Variants in MYH15 observed in about 807,000 individuals in gnomAD.
MYH15 encodes myosin-15.
MYH15 carries 227 observed loss-of-function variants against 240.5 expected under a neutral mutation model. The observed-to-expected ratio is 0.94, with a 90% CI of 0.85 to 1.05. The LOEUF (loss-of-function observed/expected upper bound fraction) is 1.05. Ranked by LOEUF, MYH15 falls within the 50% of genes least tolerant of loss-of-function variation. The pLI, the probability that MYH15 is intolerant of heterozygous loss-of-function variation, is 0.00. For synonymous variants in MYH15, 785 were observed against 796.7 expected (o/e 0.99, Z 0.25); for missense variants, 2,217 against 2,247.5 (o/e 0.99, Z 0.27).
chr3:108,540,755 T>G, the MYH15 span, among the ~76,000 whole-genome samples: 1 of 152,112 alleles, frequency 6.6e-6, no homozygotes, highest in Non-Finnish European at 1.5e-5. Context: ...GCAAATTCCT[T>G]TTTCATCATA....
intron 1 of MYH15, among the ~76,000 whole-genome samples, chr3:108,525,515 A>G (rs1226895776): frequency 1.3e-5 from 2 of 152,114 alleles, no homozygotes; most frequent in Non-Finnish European, 2.9e-5. Context: ...TGATGCTTTT[A>G]GCAATCTAGA....
At chr3:108,394,981 C>T (rs758438761) in intron 35 of MYH15, among the ~76,000 whole-genome samples, 1 of 152,156 alleles carries the variant, frequency 6.6e-6, no homozygotes, top group Non-Finnish European at 1.5e-5. Flanking sequence ...GAAGGATACT[C>T]CAGGCCAGGT....
intron 1 of MYH15, among the ~76,000 whole-genome samples, chr3:108,523,146 T>C (rs1006041522): frequency 1.3e-5 from 2 of 152,112 alleles, no homozygotes; most frequent in Non-Finnish European, 2.9e-5. Flanking sequence ...AAGAATGAAT[T>C]ATAAAACAGT....
intron 14 of MYH15, among the ~76,000 whole-genome samples, chr3:108,469,055 T>C (rs776073987): frequency 1.3e-5 from 2 of 152,218 alleles, no homozygotes; most frequent in Non-Finnish European, 2.9e-5. Flanking sequence ...GGAAGTTCAC[T>C]TGTTATAAAA....
At chr3:108,393,924 T>G in intron 36 of MYH15, 107 bp downstream of exon 36, 8 of 1,518,192 alleles carry the variant, frequency 5.3e-6, no homozygotes, top group Non-Finnish European at 7.2e-6. Context: ...CCTGGCTGTA[T>G]GGGAAATCAA....
In MYH15 at chr3:108,382,598, CAT is replaced by C. The variant is rs548987490; in HGVS notation, c.5766+995_5766+996del. ...GAGTGAACTCTTTCCATAGTAGACA[CAT>C]GTGTGACTTTTTACCATGTCAATAT... is the stretch of plus-strand genomic sequence containing the variant. On this transcript the variant is annotated intron_variant, in intron 40 of 40. Coordinates refer to ENST00000693548, the MANE Select transcript of MYH15 (RefSeq NM_014981.3). Among the ~76,000 whole-genome samples, 20 of 152,162 alleles carry C rather than the reference CAT, an allele frequency of 1.3e-4. No individual in the cohort carries two copies. In the South Asian group the frequency reaches 2.7e-3, roughly 20 times the overall value.
rs761370381 is a variant in MYH15, at chr3:108,398,717, C to T, written c.5053G>A (p.Glu1685Lys). 28 of 1,614,066 alleles carry T rather than the reference C, an allele frequency of 1.7e-5. No homozygotes were observed. Among genetic ancestry groups the T allele is most frequent in the East Asian group, 4.5e-5 (2 of 44,890 alleles). Residue 1685 changes from glutamate (E) to lysine (K), a missense_variant, in exon 35 of 41, where the codon GAG becomes AAG. Transcript: ENST00000693548. ...SELEDLRSLQEQTERGRRLSE... is the reference protein window; with the variant it reads ...SELEDLRSLQKQTERGRRLSE... ...AGCCTGCGGCCACGCTCTGTCTGCT[C>T]TTGCAGGGACCTTAGATCCTCTAGT...
rs769677172 is a variant in MYH15, at chr3:108,464,726, T to G, written c.1643A>C (p.His548Pro). ...CTGGAGATGAACCGACTTTCCAAAATGGTTGTCAAAGAGTTTGGTCTTGAA... is the reference window on the plus strand; with the variant it reads ...CTGGAGATGAACCGACTTTCCAAAAGGGTTGTCAAAGAGTTTGGTCTTGAA... ...LTFKTKLFDN[H>P]FGKSVHLQKP... The change falls in exon 15 of 41, where the codon CAT (histidine) becomes CCT (proline). Residue 548 changes from histidine to proline, a missense_variant. Coordinates refer to ENST00000693548, the MANE Select transcript of MYH15 (RefSeq NM_014981.3). The G allele has an allele frequency of 5.5e-5, 88 of 1,613,818 alleles. 1 individual carries two copies. The South Asian group carries it at 9.3e-4, about 17-fold the overall frequency.
chr3:108,548,507 G>C, the MYH15 span, among the ~76,000 whole-genome samples: 1,989 of 152,184 alleles, frequency 0.013, 34 homozygotes, highest in African/African-American at 0.045. Context: ...GGCTGCTTCT[G>C]TGCTGCAATA....
At chr3:108,515,319 G>A (rs1311391617), upstream of MYH15, among the ~76,000 whole-genome samples, 1 of 152,184 alleles carries the variant, frequency 6.6e-6, no homozygotes, top group African/African-American at 2.4e-5. Context: ...GGTGCCACAT[G>A]CACGCTAATC....
chr3:108,532,997 A>G (rs983016339), upstream of MYH15, among the ~76,000 whole-genome samples: 1 of 152,136 alleles, frequency 6.6e-6, no homozygotes, highest in Non-Finnish European at 1.5e-5. Flanking sequence ...AGAATTAAAT[A>G]AGGTTTTCTA....
chr3:108,382,771 A>AT (rs1265512040), intron 40 of MYH15, among the ~76,000 whole-genome samples: 5 of 152,280 alleles, frequency 3.3e-5, no homozygotes, highest in African/African-American at 9.6e-5. Context: ...GTTTAAAAAA[A>AT]AAATAATAAT....
intron 1 of MYH15, among the ~76,000 whole-genome samples, chr3:108,528,460 A>C (rs1186781382): frequency 6.6e-6 from 1 of 152,148 alleles, no homozygotes; most frequent in Non-Finnish European, 1.5e-5. Context: ...ACACACTAAA[A>C]TCTGGATGAT....
intron 20 of MYH15, 128 bp from the exon 21 acceptor site, chr3:108,454,270 T>C (rs2083000902): frequency 1.2e-6 from 1 of 817,590 alleles, no homozygotes; most frequent in South Asian, 3.6e-5. Flanking sequence ...GTAAGTTTTA[T>C]TTAATGTGTA....
rs2082850964 is a variant in MYH15 at position 108,437,629 on chromosome 3, C to T, written c.3146G>A (p.Gly1049Asp). ...ACTTTCCCGATTCAGCTTTAAATTG[C>T]CCTCCAGTTTGTGCAGTTCCCTTTC... is the stretch of plus-strand genomic sequence containing the variant. ...NCERELHKLE[G>D]NLKLNRESME... Residue 1049 changes from glycine (G) to aspartate (D), a missense_variant, in exon 25 of 41, where the codon GGC (glycine) becomes GAC (aspartate). Transcript: ENST00000693548. 1 of 1,613,976 alleles carries T rather than the reference C, an allele frequency of 6.2e-7. No individual in the cohort carries two copies. Among genetic ancestry groups the T allele is most frequent in the African/African-American group, 1.3e-5 (1 of 74,922 alleles).
chr3:108,385,595 G>A (rs909414618), intron 38 of MYH15, among the ~76,000 whole-genome samples: 4 of 152,004 alleles, frequency 2.6e-5, no homozygotes, highest in Admixed American at 6.6e-5. Flanking sequence ...CCCTTTAACT[G>A]GAATATTTCC....
At chr3:108,531,139 T>C (rs958246641), upstream of MYH15, among the ~76,000 whole-genome samples, 3 of 152,108 alleles carry the variant, frequency 2.0e-5, no homozygotes, top group Admixed American at 6.5e-5. Flanking sequence ...TGAGGGAGAA[T>C]GAGACCAAAG....
intron 13 of MYH15, 39 bp downstream of exon 13, chr3:108,470,659 T>G (rs2083164670): frequency 1.0e-5 from 16 of 1,602,538 alleles, no homozygotes; most frequent in Non-Finnish European, 1.3e-5. Flanking sequence ...AATCTTCTTA[T>G]AAATATGCAT....
Position 108,414,320 on chromosome 3 carries a change from A to C in MYH15, c.4057T>G (p.Leu1353Val), listed in dbSNP as rs2082617282. The C allele has an allele frequency of 1.9e-6, 3 of 1,614,194 alleles. No individual in the cohort carries two copies. The highest frequency in any genetic ancestry group is 1.7e-6 in the Non-Finnish European group (2 of 1,180,016). The change falls in exon 30 of 41, where the codon TTA becomes GTA. Residue 1353 changes from leucine (L) to valine (V), a missense_variant. Transcript: ENST00000693548. Reference sequence around the variant, plus strand: ...ACCATTTCAGCATTGACTTTGGATAAGGTCCGGTGCAGCTCAGCCTTGACC... The same window carrying C: ...ACCATTTCAGCATTGACTTTGGATACGGTCCGGTGCAGCTCAGCCTTGACC... ...QEVKAELHRT[L>V]SKVNAEMVQW...
Sources: gnomAD v4.1 joint callset for allele counts (sites outside exome capture counted in the v4.1 genomes callset) on GRCh38, gnomAD v4.1.1 for gene constraint, MANE v1.5 for transcripts, NCBI Gene and HGNC (gene_info 2026-07-23, HGNC 2026-07-21) for gene names.